ITSN2: variants seen among roughly 807,000 people sequenced by gnomAD.
The protein encoded by ITSN2 is intersectin-2.
A neutral mutation model predicts 243.7 loss-of-function variants in ITSN2; 156 were observed. The ratio of observed to expected loss-of-function variants is 0.64; its 90% CI spans 0.56 to 0.73. The LOEUF (loss-of-function observed/expected upper bound fraction) is 0.73, where lower values mean the gene tolerates loss of function less well. ITSN2 is among the 30% of genes least tolerant of loss of function. The pLI is 0.00. For synonymous variants in ITSN2, 703 were observed against 699.9 expected (o/e 1.00, Z -0.07); for missense variants, 1,801 against 1,996.1 (o/e 0.90, Z 1.86).
chr2:24,230,186 A>G lies in ITSN2; in HGVS notation c.3578-9120T>C, dbSNP rs886265210. 5.9e-5 allele frequency among the ~76,000 whole-genome samples: 9 copies of G among 151,846 alleles called. 1 individual carries two copies. The highest frequency in any genetic ancestry group is 5.9e-4 in the Admixed American group (9 of 15,266). ...TAATCATCTCCCAACCTGCTCCTCT[A>G]TAATTTTCCACCTCAGTGGATGGCA... On this transcript the variant is annotated intron_variant, in intron 29 of 39. Coordinates refer to ENST00000355123, the MANE Select transcript of ITSN2 (RefSeq NM_006277.3).
rs1228605579 is a variant in ITSN2 at position 24,302,099 on chromosome 2, A to G, written c.861T>C (p.Thr287=). 2.5e-6 allele frequency: 4 copies of G among 1,596,556 alleles called. No homozygotes were observed. The highest frequency in any genetic ancestry group is 3.4e-6 in the Non-Finnish European group (4 of 1,171,600). The change falls in exon 10 of 40, where the codon ACT becomes ACC. Residue 287 remains threonine, a synonymous_variant. Coordinates refer to ENST00000355123, the MANE Select transcript of ITSN2 (RefSeq NM_006277.3). ...LSQTQLATIW[T]LADVDGDGQL... is the part of the protein sequence containing the mutation. Reference sequence around the variant, plus strand: ...GTCCATCACCATCAACGTCAGCCAGAGTCCTAAAGAAAATGTTAAAATTCA... The same window carrying G: ...GTCCATCACCATCAACGTCAGCCAGGGTCCTAAAGAAAATGTTAAAATTCA...
chr2:24,204,844 C>A lies in ITSN2; in HGVS notation c.4762+370G>T. The A allele has an allele frequency of 2.4e-6, 1 of 418,592 alleles. No homozygotes were observed. 25.9% of individuals were successfully genotyped at this position (418,592 alleles called of 1,614,324 possible). Reference sequence around the variant, plus strand: ...TCCTTTATTCAGTGTTCAGAAGAGTCATCAGTGGCTGGGCGCAGTGGCACT... The same window carrying A: ...TCCTTTATTCAGTGTTCAGAAGAGTAATCAGTGGCTGGGCGCAGTGGCACT... On this transcript the variant is annotated intron_variant, in intron 38 of 39. Coordinates refer to ENST00000355123, the MANE Select transcript of ITSN2 (RefSeq NM_006277.3). This position sits in a 1 kb window ranked among gnomAD's most constrained non-coding sequence, Gnocchi z 5.1.
intron 3 of ITSN2, among the ~76,000 whole-genome samples, chr2:24,314,485 T>C (rs1683670941): frequency 6.6e-6 from 1 of 152,224 alleles, no homozygotes; most frequent in Non-Finnish European, 1.5e-5. Context: ...TTTGTAAATA[T>C]AGACAACAAC....
intron 22 of ITSN2, 106 bp downstream of exon 22, chr2:24,260,999 CA>C: frequency 1.1e-6 from 1 of 934,248 alleles, no homozygotes; most frequent in East Asian, 2.8e-5. Flanking sequence ...CTGAATGCTA[CA>C]AACTCTGGTT....
At chr2:24,242,816 C>T (rs1378207158) in intron 29 of ITSN2, among the ~76,000 whole-genome samples, 1 of 151,942 alleles carries the variant, frequency 6.6e-6, no homozygotes, top group Non-Finnish European at 1.5e-5. Context: ...AGCCTTTAGC[C>T]ATTCATTTAG....
chr2:24,211,640 C>T lies in ITSN2; in HGVS notation c.4090-693G>A, dbSNP rs951254524. Among the ~76,000 whole-genome samples, 2 of 151,960 alleles carry T rather than the reference C, an allele frequency of 1.3e-5. No homozygotes were observed. Among genetic ancestry groups the T allele is most frequent in the Admixed American group, 1.3e-4 (2 of 15,290 alleles). On this transcript the variant is annotated intron_variant, in intron 33 of 39. Coordinates refer to ENST00000355123, the MANE Select transcript of ITSN2 (RefSeq NM_006277.3). The surrounding 1 kb of genome is among the most constrained non-coding windows in gnomAD (Gnocchi z 4.1). ...TCATTTACAATTCTAAAATGCAGAA[C>T]AGCCTGAGAGCCTAAAGTTTTTATT...
At chr2:24,296,659 C>A (rs771524169) in intron 13 of ITSN2, among the ~76,000 whole-genome samples, 1 of 152,176 alleles carries the variant, frequency 6.6e-6, no homozygotes, top group Non-Finnish European at 1.5e-5. Flanking sequence ...CTAAGCCTAA[C>A]TAACCTTGGT....
At chr2:24,282,854 G>A (rs1207662951) in intron 17 of ITSN2, among the ~76,000 whole-genome samples, 5 of 152,160 alleles carry the variant, frequency 3.3e-5, no homozygotes, top group Non-Finnish European at 7.4e-5. Flanking sequence ...TACACTGAAA[G>A]TATTCTTTTT....
At chr2:24,250,276 A>C (rs1250878152) in intron 25 of ITSN2, among the ~76,000 whole-genome samples, 1 of 152,238 alleles carries the variant, frequency 6.6e-6, no homozygotes. Context: ...AAAACTATTT[A>C]GACTTGGGAT....
intron 9 of ITSN2, among the ~76,000 whole-genome samples, chr2:24,302,706 C>G (rs543603572): frequency 6.6e-6 from 1 of 152,156 alleles, no homozygotes; most frequent in East Asian, 1.9e-4. Flanking sequence ...AAGTAACTAC[C>G]CCTTCTGAGA....
chr2:24,206,349 A>G (rs755979610), intron 37 of ITSN2: 22 of 371,088 alleles, frequency 5.9e-5, no homozygotes, highest in Non-Finnish European at 1.0e-4. Flanking sequence ...GCAGGAGGGC[A>G]GGCTGCATGG....
At chr2:24,214,346 T>G (rs534087425) in intron 32 of ITSN2, 1 of 152,206 alleles carries the variant, frequency 6.6e-6, no homozygotes, top group South Asian at 2.1e-4. Flanking sequence ...ACAGTTTGTA[T>G]AATATAGAAT....
chr2:24,205,199 C>A lies in ITSN2; in HGVS notation c.4762+15G>T. 1 of 1,609,252 alleles carries A rather than the reference C, an allele frequency of 6.2e-7. No individual in the cohort carries two copies. Among genetic ancestry groups the A allele is most frequent in the South Asian group, 1.1e-5 (1 of 90,922 alleles). ...GGGCAGTTATGTCTGCTGAATGAAT[C>A]AAGGCAGTATTTACCATTTGGTTTG... On this transcript the variant is annotated intron_variant, in intron 38 of 39. Coordinates refer to ENST00000355123, the MANE Select transcript of ITSN2 (RefSeq NM_006277.3).
chr2:24,286,732 T>C (rs1187661725), intron 15 of ITSN2, among the ~76,000 whole-genome samples: 1 of 152,152 alleles, frequency 6.6e-6, no homozygotes, highest in Non-Finnish European at 1.5e-5. Context: ...TAATACTCAA[T>C]TAATAGAAAC....
intron 2 of ITSN2, among the ~76,000 whole-genome samples, chr2:24,320,767 T>C (rs182580773): frequency 2.2e-3 from 335 of 152,044 alleles, no homozygotes; most frequent in Non-Finnish European, 3.7e-3. Flanking sequence ...AACATTGTTT[T>C]TTAAGGAGAA....
rs891143163 is a variant in ITSN2 at position 24,331,062 on chromosome 2, C to T, written c.-33-2947G>A. Among the ~76,000 whole-genome samples the T allele has an allele frequency of 4.1e-5, 6 of 144,956 alleles. No homozygotes were observed. In the South Asian group the frequency reaches 8.7e-4, roughly 21 times the overall value. ...GATTATAGGCATGAGCCACTGCACCCGGCCACTTTTTTTTTTTTTTTTTTT... is the reference window on the plus strand; with the variant it reads ...GATTATAGGCATGAGCCACTGCACCTGGCCACTTTTTTTTTTTTTTTTTTT... On this transcript the variant is annotated intron_variant, in intron 1 of 39. Coordinates refer to ENST00000355123, the MANE Select transcript of ITSN2 (RefSeq NM_006277.3).
At chr2:24,337,315 A>ATATATATATATATATATATAT (rs1686498327) in intron 1 of ITSN2, among the ~76,000 whole-genome samples, 1 of 32,024 alleles carries the variant, frequency 3.1e-5, no homozygotes, top group African/African-American at 1.1e-4. Context: ...GTATACACAA[A>ATATATATATATATATATATAT]ATATATATAT....
intron 2 of ITSN2, among the ~76,000 whole-genome samples, chr2:24,323,210 CAA>C (rs1684787018): frequency 6.6e-6 from 1 of 151,618 alleles, no homozygotes; most frequent in South Asian, 2.1e-4. Flanking sequence ...TGAGTATTAA[CAA>C]AAGACTCTTG....
chr2:24,322,206 C>A (rs1435811688), intron 2 of ITSN2, among the ~76,000 whole-genome samples: 2 of 152,190 alleles, frequency 1.3e-5, no homozygotes, highest in African/African-American at 2.4e-5. Context: ...GTGTCAGGTA[C>A]TTTTCTAAGA....
Sources: gnomAD v4.1 joint callset for allele counts (sites outside exome capture counted in the v4.1 genomes callset) on GRCh38, gnomAD v4.1.1 for gene constraint, Gnocchi (gnomAD v3.1) non-coding constraint, MANE v1.5 for transcripts, NCBI Gene and HGNC (gene_info 2026-07-23, HGNC 2026-07-21) for gene names.